Variants in DAB1 observed in about 807,000 individuals in gnomAD.
The protein encoded by DAB1 is disabled homolog 1.
DAB1 carries 15 observed loss-of-function variants against 64.6 expected under a neutral mutation model. The ratio of observed to expected loss-of-function variants is 0.23; its 90% confidence interval spans 0.16 to 0.36. DAB1 has a LOEUF of 0.36. Ranked by LOEUF, DAB1 falls within the 10% of genes least tolerant of loss-of-function variation. DAB1 has a pLI of 1.00. For missense variants in DAB1, 596 were observed against 706.7 expected (o/e 0.84, Z 1.78); for synonymous variants, 235 against 251.9 (o/e 0.93, Z 0.64).
rs186484091 is a variant in DAB1, at chr1:58,044,265, T to C, written n.387+106246A>G. 3.0e-4 allele frequency among the ~76,000 whole-genome samples: 45 copies of C among 152,238 alleles called. No homozygotes were observed. The East Asian group carries it at 7.5e-3, about 25-fold the overall frequency. ...TGGTTTGGGATTGCATCTCCAGAAA[T>C]GGTAGCATTTCCTCCAGGGCTTCTC... On this transcript the variant is annotated intron_variant and non_coding_transcript_variant, in intron 5 of 20. Coordinates refer to the DAB1 transcript ENST00000485760.
At chr1:58,531,062 G>C (rs1203372206) in intron 1 of DAB1, among the ~76,000 whole-genome samples, 1 of 152,214 alleles carries the variant, frequency 6.6e-6, no homozygotes, top group African/African-American at 2.4e-5. Flanking sequence ...AACTGAGATA[G>C]AGAGAGGTTA....
intron 6 of DAB1, among the ~76,000 whole-genome samples, chr1:57,769,873 CTG>C (rs1226257600): frequency 6.6e-6 from 1 of 152,112 alleles, no homozygotes; most frequent in Non-Finnish European, 1.5e-5. Context: ...GTCCCTTCTC[CTG>C]TGTCCTGAGG....
chr1:57,768,417 G>T (rs2101827174), intron 6 of DAB1, among the ~76,000 whole-genome samples: 1 of 151,720 alleles, frequency 6.6e-6, no homozygotes, highest in African/African-American at 2.4e-5. Flanking sequence ...GTACTTAAGT[G>T]TTAGCTTGTT....
At chr1:58,106,814 A>G (rs1651668905) in intron 5 of DAB1, among the ~76,000 whole-genome samples, 1 of 151,462 alleles carries the variant, frequency 6.6e-6, no homozygotes, top group African/African-American at 2.4e-5. Context: ...CCCAGCTGAA[A>G]TAAATTGCCT....
Position 57,564,155 on chromosome 1 carries a change from T to C in DAB1, n.625+85437A>G, listed in dbSNP as rs545088943. ...ATATTCACTGTTCTGCAGCATCCAC[T>C]GCTGATACCCAGGCAAAGAGGGTCT... On this transcript the variant is annotated intron_variant and non_coding_transcript_variant, in intron 7 of 20. Transcript: ENST00000485760. Among the ~76,000 whole-genome samples the C allele has an allele frequency of 9.9e-4, 151 of 152,274 alleles. 1 individual carries two copies. The highest frequency in any genetic ancestry group is 3.4e-3 in the African/African-American group (141 of 41,554).
Position 57,315,369 on chromosome 1 carries a change from C to T in DAB1, c.-136-24203G>A, listed in dbSNP as rs187691283. ...TACCTGAGTTCTTTGTCACTATAGCCACTGCAATGAATATAGCATCCTCAA... is the reference window on the plus strand; with the variant it reads ...TACCTGAGTTCTTTGTCACTATAGCTACTGCAATGAATATAGCATCCTCAA... On this transcript the variant is annotated intron_variant, in intron 1 of 14. Transcript: ENST00000371236. Among the ~76,000 whole-genome samples the T allele has an allele frequency of 7.9e-5, 12 of 152,228 alleles. No homozygotes were observed. The East Asian group carries it at 2.1e-3, about 27-fold the overall frequency.
intron 10 of DAB1, 97 bp from the exon 11 acceptor site, chr1:57,023,736 G>C (rs1439317757): frequency 1.3e-6 from 1 of 768,698 alleles, no homozygotes; most frequent in African/African-American, 1.7e-5. Context: ...GCAGGGGAAG[G>C]GGTCCACAGT....
chr1:57,802,974 GC>G (rs1328863828), intron 6 of DAB1, among the ~76,000 whole-genome samples: 1 of 152,166 alleles, frequency 6.6e-6, no homozygotes, highest in Admixed American at 6.5e-5. Context: ...CCAGAAGAGA[GC>G]TGACCAGGAA....
In DAB1 at chr1:58,485,071, G is replaced by C. The variant is rs111633832; in HGVS notation, n.257+20989C>G. ...GGGTGATAATGATGGGTCAACATAG[G>C]TTCATCAATTGTAACTAATATTATC... On this transcript the variant is annotated intron_variant and non_coding_transcript_variant, in intron 3 of 20. Coordinates refer to the DAB1 transcript ENST00000485760. 5.0e-3 allele frequency among the ~76,000 whole-genome samples: 756 copies of C among 151,954 alleles called. 9 individuals are homozygous for C. The highest frequency in any genetic ancestry group is 0.044 in the South Asian group (211 of 4,800).
intron 4 of DAB1, among the ~76,000 whole-genome samples, chr1:58,267,118 G>C (rs1346745049): frequency 6.6e-6 from 1 of 152,124 alleles, no homozygotes; most frequent in Non-Finnish European, 1.5e-5. Flanking sequence ...TACTGGGGAG[G>C]GTAGGACAGG....
chr1:58,006,498 G>C (rs1000928874), intron 5 of DAB1, among the ~76,000 whole-genome samples: 1 of 152,150 alleles, frequency 6.6e-6, no homozygotes, highest in African/African-American at 2.4e-5. Flanking sequence ...ATGAATCACT[G>C]TAGCATAGGT....
intron 4 of DAB1, among the ~76,000 whole-genome samples, chr1:57,119,160 C>A (rs576244643): frequency 1.3e-5 from 2 of 152,316 alleles, no homozygotes; most frequent in African/African-American, 2.4e-5. Flanking sequence ...ACATACAGGG[C>A]AGTTCCCTCC....
chr1:58,534,938 T>C (rs929569463), intron 1 of DAB1, among the ~76,000 whole-genome samples: 2 of 152,120 alleles, frequency 1.3e-5, no homozygotes, highest in East Asian at 1.9e-4. Flanking sequence ...GGAGATCCCA[T>C]CTCAAAAAGA....
chr1:57,352,584 T>G (rs1436512559), intron 1 of DAB1, among the ~76,000 whole-genome samples: 1 of 152,102 alleles, frequency 6.6e-6, no homozygotes. Flanking sequence ...ACCTCCATTT[T>G]ACAGACCAAG....
At chr1:57,294,018 T>C (rs752337859) in intron 1 of DAB1, among the ~76,000 whole-genome samples, 5 of 152,190 alleles carry the variant, frequency 3.3e-5, no homozygotes, top group Non-Finnish European at 5.9e-5. Flanking sequence ...ACTGTGAGAA[T>C]GTACCACAGT....
chr1:57,273,597 T>TC (rs1671211727), intron 2 of DAB1, among the ~76,000 whole-genome samples: 1 of 120,362 alleles, frequency 8.3e-6, no homozygotes, highest in Non-Finnish European at 1.7e-5. Context: ...CTTCCTTCCT[T>TC]CCTTCCTTCC....
intron 7 of DAB1, among the ~76,000 whole-genome samples, chr1:57,493,961 T>C (rs1051291414): frequency 4.6e-5 from 7 of 152,334 alleles, no homozygotes; most frequent in Admixed American, 1.3e-4. Flanking sequence ...CTTAGATAAG[T>C]CAAAAACACT....
chr1:57,603,635 C>T (rs1240480334), intron 7 of DAB1, among the ~76,000 whole-genome samples: 1 of 152,154 alleles, frequency 6.6e-6, no homozygotes. Context: ...TATAGTTGTG[C>T]CTTTTACCCC....
At chr1:57,103,849 C>T (rs1045550749) in intron 4 of DAB1, among the ~76,000 whole-genome samples, 7 of 152,042 alleles carry the variant, frequency 4.6e-5, no homozygotes, top group African/African-American at 1.7e-4. Context: ...GGTAGGGGAC[C>T]CCTATGTCAG....
Sources: allele counts gnomAD v4.1 joint callset (sites outside exome capture counted in the v4.1 genomes callset), GRCh38; gene constraint gnomAD v4.1.1; transcripts MANE v1.5; gene names NCBI Gene and HGNC (gene_info 2026-07-23, HGNC 2026-07-21).